Variants in TMEM132D observed in about 807,000 individuals in gnomAD.
TMEM132D encodes mature OL transmembrane protein.
Under a neutral mutation model 62.3 loss-of-function variants are expected in TMEM132D, and 21 were observed. The observed-to-expected ratio is 0.34, with a 90% CI of 0.24 to 0.49. The LOEUF (loss-of-function observed/expected upper bound fraction) is 0.49. Ranked by LOEUF, TMEM132D falls within the 20% of genes least tolerant of loss-of-function variation. The pLI is 0.99. For missense variants in TMEM132D, 1,346 were observed against 1,402.8 expected (o/e 0.96, Z 0.65); for synonymous variants, 621 against 575.6 (o/e 1.08, Z -1.13).
chr12:129,820,385 C>T (rs1349311236), intron 1 of TMEM132D, among the ~76,000 whole-genome samples: 6 of 152,266 alleles, frequency 3.9e-5, no homozygotes, highest in African/African-American at 7.2e-5. Context: ...AGAGAATCTA[C>T]GTGGTTATTC....
rs530714718 is a variant in TMEM132D, at chr12:129,656,255, G to A, written c.968+43555C>T. On this transcript the variant is annotated intron_variant, in intron 2 of 8. Coordinates refer to ENST00000422113, the MANE Select transcript of TMEM132D (RefSeq NM_133448.3). Reference sequence around the variant, plus strand: ...AAAAGGAGAGAAGGAAGAAAAGAATGAAGGAAGGAGAAAAGGAAAGAATGA... The same window carrying A: ...AAAAGGAGAGAAGGAAGAAAAGAATAAAGGAAGGAGAAAAGGAAAGAATGA... 1.1e-4 allele frequency among the ~76,000 whole-genome samples: 17 copies of A among 152,078 alleles called. No individual in the cohort carries two copies. The South Asian group carries it at 3.5e-3, about 32-fold the overall frequency.
chr12:129,683,119 C>T (rs1403675111), intron 2 of TMEM132D: 1 of 151,572 alleles, frequency 6.6e-6, no homozygotes, highest in African/African-American at 2.4e-5. Context: ...AGCTCAGTCA[C>T]TTTAGTGCTC....
chr12:129,774,378 AAC>A lies in TMEM132D; in HGVS notation c.80-73682_80-73681del, dbSNP rs1870853016. Reference sequence around the variant, plus strand: ...GACCTGCCCTGGGTCCAACCTCATGAACAGTGACTGAACCTCTGTCTTGGTTT... The same window carrying A: ...GACCTGCCCTGGGTCCAACCTCATGAAGTGACTGAACCTCTGTCTTGGTTT... On this transcript the variant is annotated intron_variant, in intron 1 of 8. Transcript: ENST00000422113. Among the ~76,000 whole-genome samples the A allele has an allele frequency of 2.0e-5, 3 of 152,296 alleles. No individual in the cohort carries two copies. The South Asian group carries it at 6.2e-4, about 32-fold the overall frequency.
intron 4 of TMEM132D, among the ~76,000 whole-genome samples, chr12:129,327,894 G>A (rs11060249): frequency 0.27 from 40,828 of 152,118 alleles, 6,154 homozygotes; most frequent in Non-Finnish European, 0.34. Context: ...TGCCATGCCT[G>A]ATGGGGTCTC....
At position 129,573,498 on chromosome 12, in the gene TMEM132D, G is replaced by A. The variant is rs200736681; in HGVS notation, c.969-42293C>T. Among the ~76,000 whole-genome samples, 62 of 152,302 alleles carry A rather than the reference G, an allele frequency of 4.1e-4. 2 individuals are homozygous for A. In the East Asian group the frequency reaches 8.3e-3, roughly 20 times the overall value. On this transcript the variant is annotated intron_variant, in intron 2 of 8. Transcript: ENST00000422113. ...GGACTCACGTGAGCTCACCCAGTTA[G>A]TAAGTGGGAGAGGTAGAATTTGCCC...
Position 129,126,674 on chromosome 12 carries a change from G to C in TMEM132D, c.1444-41972C>G, listed in dbSNP as rs1460382048. Among the ~76,000 whole-genome samples the C allele has an allele frequency of 2.6e-5, 4 of 152,264 alleles. No homozygotes were observed. In the South Asian group the frequency reaches 6.2e-4, roughly 24 times the overall value. ...TTGGCAGGGGCTTATGTTACGTATG[G>C]AATTAGCATTCCTTAAATTAATGCA... On this transcript the variant is annotated intron_variant, in intron 5 of 8. Coordinates refer to ENST00000422113, the MANE Select transcript of TMEM132D (RefSeq NM_133448.3).
At chr12:129,486,307 T>G (rs746978070) in intron 3 of TMEM132D, among the ~76,000 whole-genome samples, 1 of 152,178 alleles carries the variant, frequency 6.6e-6, no homozygotes, top group Non-Finnish European at 1.5e-5. Flanking sequence ...TTCATCTCCA[T>G]AAAAATTTTA....
chr12:129,127,829 G>A (rs1239346165), intron 5 of TMEM132D, among the ~76,000 whole-genome samples: 3 of 152,170 alleles, frequency 2.0e-5, no homozygotes, highest in African/African-American at 4.8e-5. Flanking sequence ...TCACACTCCC[G>A]GATTCACCTT....
intron 4 of TMEM132D, among the ~76,000 whole-genome samples, chr12:129,331,852 G>A (rs1048775985): frequency 6.6e-6 from 1 of 152,198 alleles, no homozygotes; most frequent in Non-Finnish European, 1.5e-5. Context: ...AGAACTTTGA[G>A]AAACGGAGAC....
chr12:129,583,178 A>T (rs1480129401), intron 2 of TMEM132D, among the ~76,000 whole-genome samples: 1 of 152,240 alleles, frequency 6.6e-6, no homozygotes, highest in Non-Finnish European at 1.5e-5. Context: ...GATTGTGTCC[A>T]TATGAAACAT....
intron 5 of TMEM132D, among the ~76,000 whole-genome samples, chr12:129,207,261 G>A (rs529794310): frequency 2.6e-4 from 39 of 151,450 alleles, no homozygotes; most frequent in African/African-American, 8.0e-4. Context: ...ATACAGCACC[G>A]CCCTCATGGA....
At chr12:129,574,367 C>T (rs1230898375) in intron 2 of TMEM132D, among the ~76,000 whole-genome samples, 1 of 151,850 alleles carries the variant, frequency 6.6e-6, no homozygotes, top group Non-Finnish European at 1.5e-5. Context: ...GGGATATATA[C>T]ATGCTGGGTT....
intron 4 of TMEM132D, among the ~76,000 whole-genome samples, chr12:129,282,669 G>C (rs1881189073): frequency 6.6e-6 from 1 of 152,140 alleles, no homozygotes; most frequent in South Asian, 2.1e-4. Flanking sequence ...GTGGAATGTA[G>C]GTGAAAATGG....
intron 1 of TMEM132D, among the ~76,000 whole-genome samples, chr12:129,756,258 A>T (rs1308994858): frequency 3.3e-5 from 5 of 152,218 alleles, no homozygotes; most frequent in Non-Finnish European, 7.3e-5. Flanking sequence ...TTAAGAATTT[A>T]TTAAGTGGGT....
At chr12:129,378,367 G>A (rs1248341745) in intron 3 of TMEM132D, among the ~76,000 whole-genome samples, 1 of 152,192 alleles carries the variant, frequency 6.6e-6, no homozygotes, top group Non-Finnish European at 1.5e-5. Context: ...CTCTCTGGGA[G>A]CAGTTTCACC....
At chr12:129,883,696 C>CAT (rs1555238667) in intron 1 of TMEM132D, among the ~76,000 whole-genome samples, 1 of 152,150 alleles carries the variant, frequency 6.6e-6, no homozygotes, top group Non-Finnish European at 1.5e-5. Flanking sequence ...GGTGAAAAGA[C>CAT]AGAGACACAC....
At chr12:129,744,179 C>T (rs1480076698) in intron 1 of TMEM132D, among the ~76,000 whole-genome samples, 2 of 152,168 alleles carry the variant, frequency 1.3e-5, no homozygotes, top group Non-Finnish European at 2.9e-5. Flanking sequence ...GGCTATTATC[C>T]TTAAAACAGT....
At chr12:129,205,788 C>CA (rs527700034) in intron 5 of TMEM132D, among the ~76,000 whole-genome samples, 90 of 146,026 alleles carry the variant, frequency 6.2e-4, no homozygotes, top group Middle Eastern at 3.5e-3. Flanking sequence ...TTAGCAAATT[C>CA]AAAAAAAAAA....
At chr12:129,255,081 C>T (rs1880365323) in intron 4 of TMEM132D, among the ~76,000 whole-genome samples, 1 of 152,144 alleles carries the variant, frequency 6.6e-6, no homozygotes, top group African/African-American at 2.4e-5. Flanking sequence ...ACCTCCCCCG[C>T]TCTCTCTTCC....
Sources: gnomAD v4.1 joint callset for allele counts (sites outside exome capture counted in the v4.1 genomes callset) on GRCh38, gnomAD v4.1.1 for gene constraint, MANE v1.5 for transcripts, NCBI Gene and HGNC (gene_info 2026-07-23, HGNC 2026-07-21) for gene names.